Variants in LCLAT1 observed in about 807,000 individuals in gnomAD.
LCLAT1 encodes the protein 1-AGP acyltransferase 8.
A neutral mutation model predicts 30.7 loss-of-function variants in LCLAT1; 11 were observed. The ratio of observed to expected loss-of-function variants is 0.36; its 90% CI spans 0.23 to 0.59. The LOEUF (loss-of-function observed/expected upper bound fraction) is 0.59. LCLAT1 is among the 20% of genes least tolerant of loss of function. The probability of loss-of-function intolerance (pLI) is 0.77; values close to 1 mark genes in which losing one functional copy is unlikely to be tolerated. For synonymous variants in LCLAT1, 155 were observed against 151.3 expected, an observed-to-expected ratio of 1.02 and a Z score of -0.18; for missense variants, 402 against 458.6, an observed-to-expected ratio of 0.88 and a Z score of 1.13.
chr2:30,570,263 G>A (rs1665724668), intron 5 of LCLAT1, among the ~76,000 whole-genome samples: 1 of 152,046 alleles, frequency 6.6e-6, no homozygotes, highest in South Asian at 2.1e-4. Context: ...TCCTGTATCA[G>A]TAAAAAGAAA....
chr2:30,466,606 A>G (rs1310134237), intron 1 of LCLAT1, among the ~76,000 whole-genome samples: 4 of 152,164 alleles, frequency 2.6e-5, no homozygotes, highest in African/African-American at 9.7e-5. Flanking sequence ...CGATGTCTTT[A>G]TATTTTTTCT....
In LCLAT1 at chr2:30,640,113, C is replaced by T. The variant is rs772619332; in HGVS notation, c.629-4C>T. On this transcript the variant is annotated splice_polypyrimidine_tract_variant and splice_region_variant and intron_variant, in intron 5 of 5. Transcript: ENST00000379509. ...ATCTATGTTTTCATCTTTTCGAAAC[C>T]CAGGTAAGAACCTTGATGCTGTCCA... 3 of 1,603,506 alleles carry T rather than the reference C, an allele frequency of 1.9e-6. No homozygotes were observed. The highest frequency in any genetic ancestry group is 2.6e-6 in the Non-Finnish European group (3 of 1,175,680).
At chr2:30,550,153 A>G (rs1027347509) in intron 3 of LCLAT1, among the ~76,000 whole-genome samples, 2 of 152,190 alleles carry the variant, frequency 1.3e-5, no homozygotes, top group Non-Finnish European at 2.9e-5. Flanking sequence ...CAACAAATAG[A>G]TGTTCTGAAG....
intron 5 of LCLAT1, among the ~76,000 whole-genome samples, chr2:30,599,066 T>G (rs957748120): frequency 1.3e-5 from 2 of 151,582 alleles, no homozygotes; most frequent in Non-Finnish European, 2.9e-5. Context: ...CACTGCAACC[T>G]CCGCCTCCCG....
chr2:30,557,231 T>A (rs959705609), intron 3 of LCLAT1, among the ~76,000 whole-genome samples: 4 of 151,938 alleles, frequency 2.6e-5, no homozygotes, highest in Non-Finnish European at 4.4e-5. Context: ...TCCCTATGTA[T>A]AGACATGGTC....
chr2:30,461,236 A>G (rs1166014502), intron 1 of LCLAT1, among the ~76,000 whole-genome samples: 1 of 152,158 alleles, frequency 6.6e-6, no homozygotes, highest in East Asian at 1.9e-4. Context: ...TAGTGTCAGA[A>G]TTGAGTTGAA....
chr2:30,537,222 A>T (rs1045872770), intron 3 of LCLAT1, among the ~76,000 whole-genome samples: 2 of 152,152 alleles, frequency 1.3e-5, no homozygotes, highest in Non-Finnish European at 2.9e-5. Context: ...TCTACTAAAA[A>T]TACAAAAAAT....
chr2:30,531,046 G>A (rs188983279), intron 2 of LCLAT1, among the ~76,000 whole-genome samples: 3 of 152,098 alleles, frequency 2.0e-5, no homozygotes, highest in African/African-American at 7.2e-5. Context: ...CGGGCGAGTC[G>A]CAAGTTCAGG....
intron 4 of LCLAT1, among the ~76,000 whole-genome samples, chr2:30,566,508 C>T (rs2148447107): frequency 6.6e-6 from 1 of 152,230 alleles, no homozygotes; most frequent in South Asian, 2.1e-4. Context: ...AATGATGTAA[C>T]ACCTTCTATA....
intron 1 of LCLAT1, among the ~76,000 whole-genome samples, chr2:30,462,000 C>G (rs1682169213): frequency 6.6e-6 from 1 of 151,812 alleles, no homozygotes; most frequent in South Asian, 2.1e-4. Flanking sequence ...TCTCGATCTC[C>G]TGACCTCGTG....
intron 1 of LCLAT1, among the ~76,000 whole-genome samples, chr2:30,470,803 A>G (rs1427248484): frequency 6.6e-6 from 1 of 151,958 alleles, no homozygotes; most frequent in African/African-American, 2.4e-5. Context: ...TGCAAAAGTT[A>G]TTGGAATTTT....
At chr2:30,526,027 T>C (rs910675123) in intron 2 of LCLAT1, among the ~76,000 whole-genome samples, 2 of 152,226 alleles carry the variant, frequency 1.3e-5, no homozygotes, top group Non-Finnish European at 2.9e-5. Flanking sequence ...TTAGCCATCC[T>C]TTTTTCCCAT....
chr2:30,546,820 A>G (rs1664433637), intron 3 of LCLAT1, among the ~76,000 whole-genome samples: 1 of 152,180 alleles, frequency 6.6e-6, no homozygotes, highest in Non-Finnish European at 1.5e-5. Context: ...GAACAAAGTC[A>G]TGAATATTTT....
At position 30,624,098 on chromosome 2, in the gene LCLAT1, A is replaced by G. The variant is rs546417722; in HGVS notation, c.629-16019A>G. Among the ~76,000 whole-genome samples the G allele has an allele frequency of 3.9e-5, 6 of 152,348 alleles. No individual in the cohort carries two copies. In the East Asian group the frequency reaches 9.6e-4, roughly 24 times the overall value. On this transcript the variant is annotated intron_variant, in intron 5 of 5. Transcript: ENST00000379509. ...TTGCCATTACCAAGCCAGCACTACA[A>G]GAACTGCTAAAAGGAGCTCTAAATC...
chr2:30,521,653 C>T (rs912848768), intron 1 of LCLAT1, among the ~76,000 whole-genome samples: 12 of 151,634 alleles, frequency 7.9e-5, no homozygotes, highest in East Asian at 1.9e-4. Flanking sequence ...ATTACAGGCA[C>T]GCGCCACCAT....
chr2:30,454,870 A>G (rs1370672557), intron 1 of LCLAT1, among the ~76,000 whole-genome samples: 2 of 152,226 alleles, frequency 1.3e-5, no homozygotes, highest in Non-Finnish European at 2.9e-5. Context: ...GATGGAAATA[A>G]TCTAGAGGAC....
chr2:30,499,418 G>T (rs1684259688), intron 1 of LCLAT1, among the ~76,000 whole-genome samples: 1 of 152,182 alleles, frequency 6.6e-6, no homozygotes, highest in Admixed American at 6.5e-5. Flanking sequence ...CTGACCTCAG[G>T]TGATCTGCCC....
At position 30,643,654 on chromosome 2, in the gene LCLAT1, CCTGA is replaced by C. The variant is rs1241647832; in HGVS notation, c.*3038_*3041del. ...TTTCACCCAGACTTCAAACTCTAGC[CCTGA>C]CTATGATGCCCCTGTGTGCATTTAC... On this transcript the variant is annotated 3_prime_UTR_variant, in exon 6 of 6. Coordinates refer to ENST00000379509, the MANE Select transcript of LCLAT1 (RefSeq NM_001002257.3). 6.6e-6 allele frequency: 1 copy of C among 152,492 alleles called. No individual in the cohort carries two copies. The highest frequency in any genetic ancestry group is 1.5e-5 in the Non-Finnish European group (1 of 68,024). The allele number at this position is 152,492 out of a possible 1,614,324, so 9.4% of individuals were successfully genotyped here.
intron 1 of LCLAT1, among the ~76,000 whole-genome samples, chr2:30,492,141 C>T (rs923550332): frequency 8.6e-5 from 13 of 151,900 alleles, no homozygotes; most frequent in Admixed American, 2.0e-4. Context: ...GAGGATGATA[C>T]AAGAATGGAC....
Sources: allele counts gnomAD v4.1 joint callset (sites outside exome capture counted in the v4.1 genomes callset), GRCh38; gene constraint gnomAD v4.1.1; transcripts MANE v1.5; gene names NCBI Gene and HGNC (gene_info 2026-07-23, HGNC 2026-07-21).